Variants in PRRC2B observed in about 807,000 individuals in gnomAD.
PRRC2B encodes proline rich coiled-coil 2B.
Under a neutral mutation model 242.3 loss-of-function variants are expected in PRRC2B, and 68 were observed. The ratio of observed to expected loss-of-function variants is 0.28; its 90% confidence interval spans 0.23 to 0.34. The LOEUF (loss-of-function observed/expected upper bound fraction) is 0.34. PRRC2B is among the 10% of genes least tolerant of loss of function. The pLI is 1.00. For missense variants in PRRC2B, 2,835 were observed against 2,954.8 expected (o/e 0.96, Z 0.94); for synonymous variants, 1,228 against 1,173.6 (o/e 1.05, Z -0.95).
At chr9:131,443,157 G>A (rs1163803417) in intron 5 of PRRC2B, among the ~76,000 whole-genome samples, 1 of 149,118 alleles carries the variant, frequency 6.7e-6, no homozygotes, top group Admixed American at 6.7e-5. Context: ...TTTTTGAGAC[G>A]GAATCTCGCT....
intron 12 of PRRC2B, 106 bp from the exon 13 acceptor site, chr9:131,467,457 C>A: frequency 1.0e-6 from 1 of 980,302 alleles, no homozygotes. Flanking sequence ...ACTGTTCTAG[C>A]AGTGGAGCGT....
intron 1 of PRRC2B, among the ~76,000 whole-genome samples, chr9:131,410,969 T>A (rs990057609): frequency 6.6e-6 from 1 of 152,134 alleles, no homozygotes; most frequent in African/African-American, 2.4e-5. Flanking sequence ...TACAGATTTA[T>A]TTTTGCTTTG....
rs564856145 is a variant in PRRC2B at position 131,441,054 on chromosome 9, G to GTCAC, written c.469+1994_469+1997dup. ...GAGGTGGAGGCTGCAGTGAGCTGTG[G>GTCAC]TCACACTCCTGTACACCAACCTGGG... is the stretch of plus-strand genomic sequence containing the variant. On this transcript the variant is annotated intron_variant, in intron 5 of 31. Coordinates refer to ENST00000683519, the MANE Select transcript of PRRC2B (RefSeq NM_013318.4). Among the ~76,000 whole-genome samples the GTCAC allele has an allele frequency of 2.0e-4, 31 of 152,214 alleles. No homozygotes were observed. In the East Asian group the frequency reaches 6.0e-3, roughly 29 times the overall value.
Position 131,405,633 on chromosome 9 carries a change from G to A in PRRC2B, c.-52+11370G>A, listed in dbSNP as rs181653696. Among the ~76,000 whole-genome samples, 9 of 152,330 alleles carry A rather than the reference G, an allele frequency of 5.9e-5. No individual in the cohort carries two copies. In the East Asian group the frequency reaches 1.7e-3, roughly 29 times the overall value. ...AGAAATGAAGCACTGGAATGCCTGG[G>A]TGGTGGTGTTTCATCAGGCTAGGCT... On this transcript the variant is annotated intron_variant, in intron 1 of 31. Coordinates refer to ENST00000683519, the MANE Select transcript of PRRC2B (RefSeq NM_013318.4).
intron 6 of PRRC2B, among the ~76,000 whole-genome samples, chr9:131,445,320 C>G (rs1436473413): frequency 6.6e-6 from 1 of 152,170 alleles, no homozygotes; most frequent in Non-Finnish European, 1.5e-5. Context: ...GCCACCACAC[C>G]CAGCTAATTT....
In PRRC2B at chr9:131,464,555, A is replaced by G. The variant is rs995043689; in HGVS notation, c.1405-208A>G. Among the ~76,000 whole-genome samples the G allele has an allele frequency of 5.9e-5, 9 of 152,184 alleles. No individual in the cohort carries two copies. In the East Asian group the frequency reaches 1.3e-3, roughly 23 times the overall value. ...CATTTTAAAAACAAGGAAGTGAGATATGGAGAGTTGGCACTTGGCCTAAAC... is the reference window on the plus strand; with the variant it reads ...CATTTTAAAAACAAGGAAGTGAGATGTGGAGAGTTGGCACTTGGCCTAAAC... On this transcript the variant is annotated intron_variant, in intron 11 of 31. Coordinates refer to ENST00000683519, the MANE Select transcript of PRRC2B (RefSeq NM_013318.4).
chr9:131,420,475 T>TC (rs1837788023), intron 1 of PRRC2B, among the ~76,000 whole-genome samples: 5 of 14,076 alleles, frequency 3.6e-4, no homozygotes, highest in African/African-American at 7.7e-4. Flanking sequence ...CTTTCTTTCT[T>TC]TCTTTCTTTC....
At chr9:131,437,697 A>G (rs749066863) in intron 4 of PRRC2B, among the ~76,000 whole-genome samples, 4 of 152,210 alleles carry the variant, frequency 2.6e-5, no homozygotes, top group Non-Finnish European at 4.4e-5. Flanking sequence ...CTAACACTGA[A>G]CCGTGCTTTT....
chr9:131,387,291 G>T (rs1240611092), intron 1 of PRRC2B, among the ~76,000 whole-genome samples: 1 of 150,126 alleles, frequency 6.7e-6, no homozygotes, highest in Non-Finnish European at 1.5e-5. Context: ...GTGAGCCACC[G>T]CGCCCGGCCA....
rs770737749 is a variant in PRRC2B, at chr9:131,492,190, G to A, written c.6403G>A (p.Gly2135Ser). The change falls in exon 30 of 32, where the codon GGC becomes AGC. Residue 2135 changes from glycine (G) to serine (S), a missense_variant. By Grantham distance (56) the Gly-to-Ser change is moderately conservative. Transcript: ENST00000683519. ...CTAGCCCTCTCAGATGGAGATGAAA[G>A]GCTTCCACTTTGCCGACAGTAAACA... ...SREPSQMEMK[G>S]FHFADSKQNV... 3.4e-5 allele frequency: 55 copies of A among 1,613,870 alleles called. No homozygotes were observed. The highest frequency in any genetic ancestry group is 4.7e-5 in the Non-Finnish European group (55 of 1,179,834).
At chr9:131,442,800 G>A (rs534694940) in intron 5 of PRRC2B, among the ~76,000 whole-genome samples, 2 of 152,154 alleles carry the variant, frequency 1.3e-5, no homozygotes, top group Admixed American at 6.5e-5. Flanking sequence ...ATCAAAAGAC[G>A]TGCCATTTTT....
In PRRC2B at chr9:131,475,036, G is replaced by A. The variant is rs751217791; in HGVS notation, c.2907G>A (p.Glu969=). 1 of 1,607,558 alleles carries A rather than the reference G, an allele frequency of 6.2e-7. No homozygotes were observed. Among genetic ancestry groups the A allele is most frequent in the Non-Finnish European group, 8.5e-7 (1 of 1,176,436 alleles). ...LEKIKQELGE[E]STRLAKEKEQ... is the part of the protein sequence containing the mutation. ...AGATTAAGCAGGAGCTAGGGGAGGA[G>A]AGTACCCGGCTGGCCAAGGAGAAGG... is the stretch of plus-strand genomic sequence containing the variant. Residue 969 remains glutamate (E), a synonymous_variant, in exon 16 of 32, where the codon GAG becomes GAA. Transcript: ENST00000683519.
intron 13 of PRRC2B, among the ~76,000 whole-genome samples, chr9:131,469,370 A>C (rs975344404): frequency 6.6e-6 from 1 of 152,066 alleles, no homozygotes; most frequent in Non-Finnish European, 1.5e-5. Flanking sequence ...AATAGAAGGA[A>C]GTCTGAAAGC....
intron 11 of PRRC2B, among the ~76,000 whole-genome samples, chr9:131,463,585 CAG>C (rs1943304219): frequency 6.6e-6 from 1 of 150,542 alleles, no homozygotes; most frequent in Non-Finnish European, 1.5e-5. Context: ...GCAAGAAACT[CAG>C]AAACGGATAA....
chr9:131,403,462 C>T (rs1422980082), intron 1 of PRRC2B, among the ~76,000 whole-genome samples: 1 of 151,952 alleles, frequency 6.6e-6, no homozygotes, highest in African/African-American at 2.4e-5. Context: ...AGCAATTCCC[C>T]TGCCTCAGCC....
chr9:131,495,728 A>G lies in PRRC2B; in HGVS notation c.6556-12A>G. On this transcript the variant is annotated splice_polypyrimidine_tract_variant and intron_variant, in intron 31 of 31. Coordinates refer to ENST00000683519, the MANE Select transcript of PRRC2B (RefSeq NM_013318.4). ...CAGGGTCACTTTGTTTTTCCCATTC[A>G]TCTGTCCAAAGGCAAAACAACGAGT... The G allele has an allele frequency of 1.3e-6, 2 of 1,595,604 alleles. No homozygotes were observed. Among genetic ancestry groups the G allele is most frequent in the African/African-American group, 1.3e-5 (1 of 74,724 alleles).
chr9:131,415,921 A>AT (rs761936458), intron 1 of PRRC2B, among the ~76,000 whole-genome samples: 3 of 151,758 alleles, frequency 2.0e-5, no homozygotes, highest in Non-Finnish European at 4.4e-5. Flanking sequence ...TATTTTTGGC[A>AT]TTTTTTACTT....
In PRRC2B at chr9:131,446,947, G is replaced by T; in HGVS notation, c.856-138G>T. The stretch of plus-strand genomic sequence containing the variant: ...CAGGAATGAAATGGGGGAGATGGTG[G>T]TAGGATTAATTAGGAAACCCCATGA... On this transcript the variant is annotated intron_variant, in intron 7 of 31. Transcript: ENST00000683519. The surrounding 1 kb of genome is among the most constrained non-coding windows in gnomAD (Gnocchi z 4.1). 8.7e-7 allele frequency: 1 copy of T among 1,144,706 alleles called. No homozygotes were observed. The highest frequency in any genetic ancestry group is 1.2e-6 in the Non-Finnish European group (1 of 808,272). 70.9% of individuals were successfully genotyped at this position (1,144,706 alleles called of 1,614,324 possible).
chr9:131,437,948 C>G (rs1047161803), intron 4 of PRRC2B, among the ~76,000 whole-genome samples: 1 of 152,148 alleles, frequency 6.6e-6, no homozygotes, highest in Non-Finnish European at 1.5e-5. Context: ...TCCTGGGCAT[C>G]TATTTGAATG....
Sources: allele counts gnomAD v4.1 joint callset (sites outside exome capture counted in the v4.1 genomes callset), GRCh38; gene constraint gnomAD v4.1.1; non-coding constraint Gnocchi (gnomAD v3.1); transcripts MANE v1.5; gene names NCBI Gene and HGNC (gene_info 2026-07-23, HGNC 2026-07-21).